ALPK1: variants seen among roughly 807,000 people sequenced by gnomAD.
ALPK1 encodes the protein alpha-protein kinase 1.
A neutral mutation model predicts 120.6 loss-of-function variants in ALPK1; 110 were observed. The observed-to-expected ratio is 0.91, with a 90% confidence interval of 0.78 to 1.07. The LOEUF is 1.07. Among genes scored for constraint, ALPK1 ranks in the 50% least tolerant of loss-of-function variants. The pLI is 0.00. For synonymous variants in ALPK1, 582 were observed against 560.3 expected, an observed-to-expected ratio of 1.04 and a Z score of -0.55; for missense variants, 1,498 against 1,483.9, an observed-to-expected ratio of 1.01 and a Z score of -0.16.
At chr4:112,298,456 A>G (rs1578438994) in intron 1 of ALPK1, among the ~76,000 whole-genome samples, 1 of 151,912 alleles carries the variant, frequency 6.6e-6, no homozygotes, top group Admixed American at 6.6e-5. Flanking sequence ...CCTCCTTCCC[A>G]CCCCATCAAC....
At chr4:112,355,733 C>T (rs1034097565) in intron 2 of ALPK1, among the ~76,000 whole-genome samples, 1 of 152,236 alleles carries the variant, frequency 6.6e-6, no homozygotes, top group African/African-American at 2.4e-5. Context: ...ACCTCTAGGG[C>T]CCAAAGAGCA....
rs375993289 is a variant in ALPK1 at position 112,438,606 on chromosome 4, T to C, written c.3311T>C (p.Ile1104Thr). The C allele has an allele frequency of 1.2e-5, 19 of 1,613,716 alleles. No homozygotes were observed. The highest frequency in any genetic ancestry group is 1.5e-5 in the Non-Finnish European group (18 of 1,179,786). Residue 1104 changes from isoleucine to threonine, a missense_variant, in exon 13 of 16, where the codon ATT (isoleucine) becomes ACT (threonine). Physicochemically the swap from Ile to Thr is moderately conservative, Grantham distance 89 (BLOSUM62 -1). Transcript: ENST00000650871. Reference protein sequence around the residue: ...EFNKRLYEQNIPTQIFYIPST... With the variant: ...EFNKRLYEQNTPTQIFYIPST... Reference sequence around the variant, plus strand: ...AACAAGAGACTCTATGAACAAAACATTCCCACCCAGATATTCTACATCCCA... The same window carrying C: ...AACAAGAGACTCTATGAACAAAACACTCCCACCCAGATATTCTACATCCCA...
intron 2 of ALPK1, among the ~76,000 whole-genome samples, chr4:112,321,647 C>A (rs752664599): frequency 6.6e-6 from 1 of 152,124 alleles, no homozygotes; most frequent in Non-Finnish European, 1.5e-5. Flanking sequence ...CATGTATTTG[C>A]ATACAACTAT....
Position 112,432,137 on chromosome 4 carries a change from C to A in ALPK1, c.2590C>A (p.Pro864Thr), listed in dbSNP as rs1294823695. The change falls in exon 11 of 16, where the codon CCC (proline) becomes ACC (threonine). Residue 864 changes from proline to threonine, a missense_variant. Pro to Thr is a conservative substitution (Grantham distance 38). Transcript: ENST00000650871. ...GCAACTGCTCGACAGCATGGATGTT[C>A]CCTGCACAAATGGGCACGGCTCTCA... ...EGQLLDSMDV[P>T]CTNGHGSHRL... The A allele has an allele frequency of 6.2e-7, 1 of 1,614,192 alleles. No homozygotes were observed. The highest frequency in any genetic ancestry group is 2.2e-5 in the East Asian group (1 of 44,882).
chr4:112,314,245 A>T (rs566159724), intron 1 of ALPK1, among the ~76,000 whole-genome samples: 1 of 152,296 alleles, frequency 6.6e-6, no homozygotes, highest in Admixed American at 6.5e-5. Context: ...GAGGATGAGG[A>T]TGGAGGAAGA....
chr4:112,316,217 C>G (rs1728627947), intron 2 of ALPK1: 1 of 152,220 alleles, frequency 6.6e-6, no homozygotes, highest in Admixed American at 6.5e-5. Flanking sequence ...TCCCCAGCCC[C>G]TGGCAAACAC....
chr4:112,346,415 T>C (rs1211086995), intron 2 of ALPK1, among the ~76,000 whole-genome samples: 1 of 152,260 alleles, frequency 6.6e-6, no homozygotes, highest in African/African-American at 2.4e-5. Context: ...TTTTGTGATA[T>C]GTGGTAGTAA....
intron 11 of ALPK1, among the ~76,000 whole-genome samples, chr4:112,433,188 T>C (rs952457999): frequency 1.3e-5 from 2 of 152,340 alleles, no homozygotes; most frequent in Admixed American, 6.5e-5. Context: ...GTATTCATGA[T>C]TCTGTAACAA....
intron 5 of ALPK1, among the ~76,000 whole-genome samples, chr4:112,416,247 C>G (rs1231455099): frequency 6.6e-6 from 1 of 152,132 alleles, no homozygotes; most frequent in East Asian, 1.9e-4. Context: ...GGCTGCCCAC[C>G]TGGGACTAAT....
In ALPK1 at chr4:112,411,935, C is replaced by T; in HGVS notation, c.385C>T (p.Gln129Ter). The change falls in exon 5 of 16, where the codon CAG (glutamine) becomes TAG (stop). Residue 129 changes from glutamine (Q) to a stop codon, truncating the protein, a stop_gained. Transcript: ENST00000650871. LOFTEE classifies it high-confidence loss of function. ...GCTCGACGTCTCTGGAAAACTTCTG[C>T]AGGTCGCCAAAGGTCTCCACAAGTT... is the stretch of plus-strand genomic sequence containing the variant. ...YGLDVSGKLL[Q>*]VAKGLHKLQP... 1 of 1,614,172 alleles carries T rather than the reference C, an allele frequency of 6.2e-7. No individual in the cohort carries two copies. Among genetic ancestry groups the T allele is most frequent in the Non-Finnish European group, 8.5e-7 (1 of 1,180,032 alleles).
intron 4 of ALPK1, among the ~76,000 whole-genome samples, chr4:112,388,382 G>A (rs1251675896): frequency 6.6e-6 from 1 of 152,124 alleles, no homozygotes; most frequent in African/African-American, 2.4e-5. Flanking sequence ...AATTTATTAG[G>A]AAATGAAATA....
At chr4:112,369,684 A>G (rs1731317763) in intron 2 of ALPK1, among the ~76,000 whole-genome samples, 1 of 152,168 alleles carries the variant, frequency 6.6e-6, no homozygotes, top group Admixed American at 6.5e-5. Flanking sequence ...CTCGGTCTCA[A>G]AAAGAAAAAG....
intron 2 of ALPK1, among the ~76,000 whole-genome samples, chr4:112,355,048 G>C (rs994114463): frequency 6.6e-6 from 1 of 152,184 alleles, no homozygotes; most frequent in African/African-American, 2.4e-5. Context: ...ACCACAAACA[G>C]AGTATCTCCT....
chr4:112,377,309 A>C (rs1644402390), intron 2 of ALPK1, among the ~76,000 whole-genome samples: 1 of 152,228 alleles, frequency 6.6e-6, no homozygotes, highest in Non-Finnish European at 1.5e-5. Context: ...TGCTAGCCAG[A>C]TGCTTCCTGT....
At chr4:112,369,358 G>C (rs1427146912) in intron 2 of ALPK1, among the ~76,000 whole-genome samples, 1 of 152,192 alleles carries the variant, frequency 6.6e-6, no homozygotes, top group East Asian at 1.9e-4. Context: ...GAGGCAATAT[G>C]GTGATAGTTT....
intron 2 of ALPK1, among the ~76,000 whole-genome samples, chr4:112,333,844 C>T (rs1354481991): frequency 6.6e-6 from 1 of 152,124 alleles, no homozygotes; most frequent in African/African-American, 2.4e-5. Flanking sequence ...ACTTCTGCCC[C>T]ACAGCCTCTC....
At chr4:112,317,362 A>G (rs896641022) in intron 2 of ALPK1, among the ~76,000 whole-genome samples, 1 of 152,132 alleles carries the variant, frequency 6.6e-6, no homozygotes, top group African/African-American at 2.4e-5. Context: ...AGAGTTTTCT[A>G]GTTTTAACTC....
At chr4:112,380,574 T>C (rs1731857599) in intron 3 of ALPK1, among the ~76,000 whole-genome samples, 1 of 152,326 alleles carries the variant, frequency 6.6e-6, no homozygotes, top group Non-Finnish European at 1.5e-5. Context: ...AAATGGCTCA[T>C]AAAAAGGGAT....
At chr4:112,311,252 G>T (rs1728389227) in intron 1 of ALPK1, among the ~76,000 whole-genome samples, 1 of 152,136 alleles carries the variant, frequency 6.6e-6, no homozygotes, top group South Asian at 2.1e-4. Flanking sequence ...ACTCTCATCT[G>T]TTCACCAGTG....
Sources: allele counts gnomAD v4.1 joint callset (sites outside exome capture counted in the v4.1 genomes callset), GRCh38; gene constraint gnomAD v4.1.1; transcripts MANE v1.5; gene names NCBI Gene and HGNC (gene_info 2026-07-23, HGNC 2026-07-21).